Variants in SPAG16 observed in about 807,000 individuals in gnomAD.
SPAG16 encodes the protein sperm-associated antigen 16 protein.
In SPAG16, 86 loss-of-function variants were observed where a neutral mutation model predicts 80.4. The ratio of observed to expected loss-of-function variants is 1.07; its 90% CI spans 0.90 to 1.28. The LOEUF (loss-of-function observed/expected upper bound fraction) is 1.28, where lower values mean the gene tolerates loss of function less well. Among genes scored for constraint, SPAG16 ranks in the 50% most tolerant of loss-of-function variants. SPAG16 has a pLI of 0.00. For synonymous variants in SPAG16, 294 were observed against 265.9 expected, an observed-to-expected ratio of 1.11 and a Z score of -1.03; for missense variants, 870 against 765.3, an observed-to-expected ratio of 1.14 and a Z score of -1.61.
chr2:213,731,513 G>A (rs903704828), intron 10 of SPAG16, among the ~76,000 whole-genome samples: 5 of 150,794 alleles, frequency 3.3e-5, no homozygotes, highest in African/African-American at 4.9e-5. Context: ...TACATGTGCA[G>A]GATGTGCAGA....
At position 214,108,376 on chromosome 2, in the gene SPAG16, T is replaced by C. The variant is rs968940426; in HGVS notation, c.1593+115T>C. 6.4e-6 allele frequency: 5 copies of C among 781,118 alleles called. No individual in the cohort carries two copies. In the African/African-American group the frequency reaches 7.1e-5, roughly 11 times the overall value. 48.4% of individuals were successfully genotyped at this position (781,118 alleles called of 1,614,324 possible). On this transcript the variant is annotated intron_variant, in intron 14 of 15. Transcript: ENST00000331683. Reference sequence around the variant, plus strand: ...GTTAATGAGGTGAGAAGAACAACTTTAGGAATTAGTTGTAAACAATAGGAA... The same window carrying C: ...GTTAATGAGGTGAGAAGAACAACTTCAGGAATTAGTTGTAAACAATAGGAA...
intron 10 of SPAG16, among the ~76,000 whole-genome samples, chr2:213,542,077 A>C (rs890198184): frequency 9.2e-5 from 14 of 152,352 alleles, no homozygotes; most frequent in African/African-American, 3.4e-4. Flanking sequence ...GTATTAAATT[A>C]GTTTGATGAG....
intron 10 of SPAG16, among the ~76,000 whole-genome samples, chr2:213,611,641 C>T (rs1463127346): frequency 3.3e-5 from 5 of 152,152 alleles, no homozygotes; most frequent in Admixed American, 3.3e-4. Context: ...GCTATTTAGA[C>T]TAGTAATAAA....
intron 9 of SPAG16, among the ~76,000 whole-genome samples, chr2:213,397,654 A>C (rs2068109106): frequency 6.6e-6 from 1 of 152,002 alleles, no homozygotes; most frequent in African/African-American, 2.4e-5. Flanking sequence ...GATCCACTTA[A>C]CTCACTTTCA....
At chr2:213,689,706 C>T (rs1467282611) in intron 10 of SPAG16, among the ~76,000 whole-genome samples, 2 of 152,038 alleles carry the variant, frequency 1.3e-5, no homozygotes, top group Admixed American at 6.6e-5. Context: ...TGGCTCTTTT[C>T]ATATCCTTGG....
chr2:214,315,677 G>A lies in SPAG16; in HGVS notation c.1721-94463G>A, dbSNP rs900380528. On this transcript the variant is annotated intron_variant, in intron 15 of 15. Coordinates refer to ENST00000331683, the MANE Select transcript of SPAG16 (RefSeq NM_024532.5). ...ACTCTGAGTGTCTGGGACTACAGGC[G>A]TGCGCCATCATGCCTGGCTAATTTT... Among the ~76,000 whole-genome samples the A allele has an allele frequency of 1.3e-4, 20 of 152,044 alleles. 1 individual carries two copies. Among genetic ancestry groups the A allele is most frequent in the Admixed American group, 1.2e-3 (18 of 15,256 alleles).
At chr2:213,327,115 T>C (rs1238817976) in intron 5 of SPAG16, among the ~76,000 whole-genome samples, 1 of 151,606 alleles carries the variant, frequency 6.6e-6, no homozygotes, top group East Asian at 1.9e-4. Context: ...AATGTTCCAC[T>C]GAGTAACTCT....
intron 13 of SPAG16, among the ~76,000 whole-genome samples, chr2:214,050,446 CT>C (rs1457390772): frequency 1.3e-5 from 2 of 152,080 alleles, no homozygotes; most frequent in Non-Finnish European, 2.9e-5. Flanking sequence ...GTGGTCTGAT[CT>C]GAGCAACTGA....
intron 10 of SPAG16, among the ~76,000 whole-genome samples, chr2:213,859,665 C>G (rs1236962319): frequency 6.6e-6 from 1 of 152,044 alleles, no homozygotes; most frequent in East Asian, 1.9e-4. Context: ...GTCTTAAAGC[C>G]AAGCCATCCT....
intron 10 of SPAG16, among the ~76,000 whole-genome samples, chr2:213,727,452 C>G (rs1434251605): frequency 6.6e-6 from 1 of 151,488 alleles, no homozygotes; most frequent in Non-Finnish European, 1.5e-5. Flanking sequence ...ATAAGGTGGT[C>G]AAGAAAAAAA....
At chr2:213,642,713 T>C (rs1429398804) in intron 10 of SPAG16, among the ~76,000 whole-genome samples, 1 of 59,728 alleles carries the variant, frequency 1.7e-5, no homozygotes, top group Non-Finnish European at 3.3e-5. Flanking sequence ...CCCAGCTACT[T>C]GGGAGGCTGA....
rs553913282 is a variant in SPAG16, at chr2:213,511,100, A to G, written c.1070+21010A>G. On this transcript the variant is annotated intron_variant, in intron 10 of 15. Transcript: ENST00000331683. ...ATGAATATGTAAGTAAAATATTAAT[A>G]TAAAGTTCTTGACTTATTTTTAATA... Among the ~76,000 whole-genome samples the G allele has an allele frequency of 2.6e-4, 40 of 152,294 alleles. 1 individual carries two copies. The South Asian group carries it at 7.9e-3, about 30-fold the overall frequency.
intron 12 of SPAG16, among the ~76,000 whole-genome samples, chr2:213,946,573 C>A (rs1430867946): frequency 6.6e-6 from 1 of 152,082 alleles, no homozygotes; most frequent in African/African-American, 2.4e-5. Context: ...TTCAGAGTAT[C>A]CTTCACCCAA....
chr2:213,803,324 T>G (rs1000147740), intron 10 of SPAG16, among the ~76,000 whole-genome samples: 2 of 152,160 alleles, frequency 1.3e-5, no homozygotes, highest in Non-Finnish European at 2.9e-5. Flanking sequence ...AATGAGAGAA[T>G]AATGAGGCAT....
rs112724196 is a variant in SPAG16 at position 214,169,594 on chromosome 2, C to T, written c.1720+20328C>T. On this transcript the variant is annotated intron_variant, in intron 15 of 15. Coordinates refer to ENST00000331683, the MANE Select transcript of SPAG16 (RefSeq NM_024532.5). ...ATGCTGCCTTCCCTTGAGTGTAAGA[C>T]GAACGGCTGTTGAATAGAAACTTCT... Among the ~76,000 whole-genome samples the T allele has an allele frequency of 3.4e-3, 515 of 152,032 alleles. 6 individuals carry two copies. The highest frequency in any genetic ancestry group is 0.01 in the African/African-American group (428 of 41,506).
intron 9 of SPAG16, among the ~76,000 whole-genome samples, chr2:213,449,676 A>G (rs576035031): frequency 1.3e-5 from 2 of 152,316 alleles, no homozygotes; most frequent in East Asian, 1.9e-4. Flanking sequence ...TTGAAAAACT[A>G]CCTATTAGGT....
At chr2:213,348,867 C>T (rs1456321640) in intron 6 of SPAG16, among the ~76,000 whole-genome samples, 1 of 152,092 alleles carries the variant, frequency 6.6e-6, no homozygotes, top group Non-Finnish European at 1.5e-5. Context: ...TGGAGTTGCT[C>T]TTCTTGAGGA....
intron 10 of SPAG16, among the ~76,000 whole-genome samples, chr2:213,607,933 T>C (rs2061320051): frequency 6.6e-6 from 1 of 152,228 alleles, no homozygotes; most frequent in Non-Finnish European, 1.5e-5. Context: ...AATTTTGTGC[T>C]TTCTGGACTT....
At chr2:213,927,571 A>G (rs2078541192) in intron 11 of SPAG16, among the ~76,000 whole-genome samples, 1 of 152,202 alleles carries the variant, frequency 6.6e-6, no homozygotes, top group Non-Finnish European at 1.5e-5. Flanking sequence ...TTTTGGATTT[A>G]GTATATGAGC....
Sources: gnomAD v4.1 joint callset for allele counts (sites outside exome capture counted in the v4.1 genomes callset) on GRCh38, gnomAD v4.1.1 for gene constraint, MANE v1.5 for transcripts, NCBI Gene and HGNC (gene_info 2026-07-23, HGNC 2026-07-21) for gene names.